Variants in VPS13C observed in about 807,000 individuals in gnomAD.
VPS13C encodes vacuolar protein sorting 13 homolog C.
In VPS13C, 358 loss-of-function variants were observed where a neutral mutation model predicts 456.8. The observed-to-expected ratio is 0.78, with a 90% confidence interval of 0.72 to 0.86. The LOEUF (loss-of-function observed/expected upper bound fraction) is 0.86. Among genes scored for constraint, VPS13C ranks in the 40% least tolerant of loss-of-function variants. The pLI is 0.00. For synonymous variants in VPS13C, 1,578 were observed against 1,486.7 expected (o/e 1.06, Z -1.41); for missense variants, 4,818 against 4,385.4 (o/e 1.10, Z -2.79).
rs183848736 is a variant in VPS13C, at chr15:61,921,820, C to T, written c.7062+127G>A. ...AATGACATATGAAAAGAGTTCTGAC[C>T]TCATGGACAGAGCCCTTAAAAGGGC... On this transcript the variant is annotated intron_variant, in intron 55 of 84. Coordinates refer to ENST00000644861, the MANE Select transcript of VPS13C (RefSeq NM_020821.3). 1.3e-3 allele frequency: 1,115 copies of T among 833,368 alleles called. 1 individual carries two copies. Among genetic ancestry groups the T allele is most frequent in the Non-Finnish European group, 1.9e-3 (1,008 of 532,908 alleles). 51.6% of individuals were successfully genotyped at this position (833,368 alleles called of 1,614,324 possible). A position where few individuals can be genotyped will look rare whatever the true frequency, so the allele number is the denominator to read the frequency against.
At chr15:61,963,107 T>TTTAAGTAAATTATCCTTTATACC (rs2045266218) in intron 32 of VPS13C, among the ~76,000 whole-genome samples, 1 of 152,200 alleles carries the variant, frequency 6.6e-6, no homozygotes, top group South Asian at 2.1e-4. Flanking sequence ...TATCTCAGGA[T>TTTAAGTAAATTATCCTTTATACC]TTAAGTAAAT....
At chr15:61,866,849 A>G in intron 81 of VPS13C, 1 of 974,864 alleles carries the variant, frequency 1.0e-6, no homozygotes, top group African/African-American at 1.8e-5. Context: ...CAACTGAACA[A>G]TTATATGTTA....
At chr15:62,041,537 G>A (rs1016443991) in intron 2 of VPS13C, among the ~76,000 whole-genome samples, 171 bp from the exon 3 acceptor site, 14 of 152,202 alleles carry the variant, frequency 9.2e-5, no homozygotes, top group African/African-American at 3.4e-4. Flanking sequence ...CGTTTCATAG[G>A]CCTGGTGCAG....
In VPS13C at chr15:61,927,157, A is replaced by G. The variant is rs143892807; in HGVS notation, c.6450T>C (p.Ser2150=). 2.3e-4 allele frequency: 367 copies of G among 1,614,200 alleles called. No individual in the cohort carries two copies. The African/African-American group carries it at 4.2e-3, about 18-fold the overall frequency. The change falls in exon 52 of 85, where the codon TCT becomes TCC. Residue 2150 remains serine, a synonymous_variant. Transcript: ENST00000644861. ...AAGCGAGCACTTTCAGATCTCTCAC[A>G]GAAGCTTCCATCATCTGTTCGAGTT... ...TSKLEQMMEA[S]VRDLKVLACP...
intron 4 of VPS13C, among the ~76,000 whole-genome samples, 181 bp from the exon 5 acceptor site, chr15:62,033,723 C>A (rs985627343): frequency 1.3e-5 from 2 of 151,318 alleles, no homozygotes; most frequent in East Asian, 3.9e-4. Context: ...TTACAAAAAA[C>A]TGAAATACAA....
At chr15:61,956,383 A>G (rs936525544) in intron 37 of VPS13C, among the ~76,000 whole-genome samples, 2 of 152,072 alleles carry the variant, frequency 1.3e-5, no homozygotes, top group Non-Finnish European at 2.9e-5. Context: ...TACTATGCTC[A>G]CTACCTGGGT....
intron 42 of VPS13C, among the ~76,000 whole-genome samples, chr15:61,947,560 T>TTAC (rs1196676457): frequency 2.7e-5 from 4 of 148,820 alleles, no homozygotes; most frequent in Non-Finnish European, 5.9e-5. Flanking sequence ...AAAGTGCAAT[T>TTAC]TACTAGATGG....
chr15:62,044,286 A>C, intron 1 of VPS13C, 31 bp from the exon 2 acceptor site: 2 of 1,311,732 alleles, frequency 1.5e-6, no homozygotes, highest in Non-Finnish European at 1.1e-6. Context: ...GAAAAATATT[A>C]CTATAACATA....
intron 61 of VPS13C, among the ~76,000 whole-genome samples, chr15:61,914,450 T>C (rs544329840): frequency 1.3e-5 from 2 of 152,014 alleles, no homozygotes; most frequent in East Asian, 4.0e-4. Flanking sequence ...GCACCTGTAA[T>C]CCTAGCTACT....
chr15:62,018,083 C>A (rs539170052), intron 9 of VPS13C, among the ~76,000 whole-genome samples: 2 of 151,944 alleles, frequency 1.3e-5, no homozygotes, highest in Admixed American at 1.3e-4. Flanking sequence ...TTTGGCTCTC[C>A]GTTTGTCTGT....
At chr15:61,911,652 G>T (rs2140147675) in intron 63 of VPS13C, among the ~76,000 whole-genome samples, 188 bp downstream of exon 63, 2 of 152,220 alleles carry the variant, frequency 1.3e-5, no homozygotes, top group South Asian at 4.1e-4. Context: ...TCTAGACTGG[G>T]CTAGTGTATT....
chr15:61,984,043 C>A (rs2045964151), intron 19 of VPS13C, 31 bp from the exon 20 acceptor site: 7 of 1,582,358 alleles, frequency 4.4e-6, no homozygotes, highest in African/African-American at 1.4e-5. Context: ...AGGAAAGATG[C>A]AGACAAGGTC....
At position 61,947,199 on chromosome 15, in the gene VPS13C, T is replaced by C; in HGVS notation, c.4870A>G (p.Ile1624Val). Residue 1624 changes from isoleucine (I) to valine (V), a missense_variant, in exon 43 of 85, where the codon ATA becomes GTA. By Grantham distance (29) the Ile-to-Val change is conservative. Around this residue, in one of 3 missense-constraint regions of VPS13C, gnomAD observed 4,552 missense variants for 4,130.6 expected, o/e 1.10. Coordinates refer to ENST00000644861, the MANE Select transcript of VPS13C (RefSeq NM_020821.3). ...ACAAGAAGTAACTACTTACCATGTA[T>C]TTTAATATCTGCAATGTTACACTTC... ...DQKCNIADIKIHGMDASISVK... is the reference protein window; with the variant it reads ...DQKCNIADIKVHGMDASISVK... 2 of 1,571,498 alleles carry C rather than the reference T, an allele frequency of 1.3e-6. No homozygotes were observed. The highest frequency in any genetic ancestry group is 1.7e-6 in the Non-Finnish European group (2 of 1,160,016).
At chr15:61,976,051 A>G (rs567334728) in intron 24 of VPS13C, among the ~76,000 whole-genome samples, 134 of 152,196 alleles carry the variant, frequency 8.8e-4, no homozygotes, top group African/African-American at 3.0e-3. Context: ...AAAATTTTTA[A>G]TAATTTTGTG....
intron 23 of VPS13C, among the ~76,000 whole-genome samples, 181 bp downstream of exon 23, chr15:61,978,445 C>A (rs865951635): frequency 6.6e-6 from 1 of 152,100 alleles, no homozygotes; most frequent in Non-Finnish European, 1.5e-5. Flanking sequence ...ATTTCCATTT[C>A]TATTTATAAA....
intron 37 of VPS13C, among the ~76,000 whole-genome samples, chr15:61,958,224 TAC>T (rs2045073968): frequency 6.6e-6 from 1 of 152,064 alleles, no homozygotes; most frequent in African/African-American, 2.4e-5. Context: ...TTTCAATTCT[TAC>T]AGATGTTTTA....
chr15:62,030,166 C>T (rs2047764467), intron 5 of VPS13C, among the ~76,000 whole-genome samples: 1 of 151,896 alleles, frequency 6.6e-6, no homozygotes, highest in African/African-American at 2.4e-5. Context: ...TTTCATGTAG[C>T]ATGTGAAAAA....
intron 73 of VPS13C, among the ~76,000 whole-genome samples, chr15:61,880,206 A>G (rs1419665093): frequency 2.0e-5 from 3 of 152,236 alleles, no homozygotes; most frequent in East Asian, 3.9e-4. Context: ...AAGGGGGGAA[A>G]AACACCACAT....
chr15:62,011,899 G>A (rs900210278), intron 12 of VPS13C, among the ~76,000 whole-genome samples: 3 of 151,922 alleles, frequency 2.0e-5, no homozygotes, highest in Non-Finnish European at 2.9e-5. Context: ...CAGCTATACT[G>A]CCCTTCTCTC....
Sources: gnomAD v4.1 joint callset for allele counts (sites outside exome capture counted in the v4.1 genomes callset) on GRCh38, gnomAD v4.1.1 for gene constraint, gnomAD v4.1.1 regional missense constraint, MANE v1.5 for transcripts, NCBI Gene and HGNC (gene_info 2026-07-23, HGNC 2026-07-21) for gene names.